Variants in CR1L observed in about 807,000 individuals in gnomAD.
CR1L encodes the protein complement C3b/C4b receptor 1 like, also known as complement component receptor 1-like protein.
A neutral mutation model predicts 62.3 loss-of-function variants in CR1L; 59 were observed. The ratio of observed to expected loss-of-function variants is 0.95; its 90% CI spans 0.77 to 1.18. The LOEUF is 1.18. Among genes scored for constraint, CR1L ranks in the 50% most tolerant of loss-of-function variants. The pLI, the probability that CR1L is intolerant of heterozygous loss-of-function variation, is 0.00. For synonymous variants in CR1L, 279 were observed against 248.7 expected (o/e 1.12, Z -1.15); for missense variants, 700 against 702.8 (o/e 1.00, Z 0.04).
chr1:207,657,448 A>C, intron 1 of CR1L: 1 of 547,366 alleles, frequency 1.8e-6, no homozygotes, highest in Non-Finnish European at 3.2e-6. Flanking sequence ...AATTTATTTT[A>C]ATACAGGTCA....
intron 4 of CR1L, 161 bp downstream of exon 4, chr1:207,684,118 C>T: frequency 1.8e-6 from 1 of 553,568 alleles, no homozygotes; most frequent in Non-Finnish European, 2.9e-6. Flanking sequence ...CCTGGCAACT[C>T]TTTCTTTAAG....
intron 9 of CR1L, among the ~76,000 whole-genome samples, chr1:207,704,259 G>C (rs1344502863): frequency 1.3e-5 from 2 of 152,188 alleles, no homozygotes; most frequent in South Asian, 2.1e-4. Flanking sequence ...ATTAGAAGCA[G>C]AGCCTAAAGG....
intron 1 of CR1L, among the ~76,000 whole-genome samples, chr1:207,674,010 G>T (rs1159839694): frequency 1.3e-5 from 2 of 152,176 alleles, no homozygotes; most frequent in Non-Finnish European, 2.9e-5. Flanking sequence ...TTGTATATGT[G>T]CAGCAACCTA....
At chr1:207,657,101 C>T in intron 1 of CR1L, 1 of 663,894 alleles carries the variant, frequency 1.5e-6, no homozygotes, top group Non-Finnish European at 2.7e-6. Context: ...ACATTTCTTT[C>T]CTCTTTTTCT....
At chr1:207,673,351 TA>T (rs1470899918) in intron 1 of CR1L, among the ~76,000 whole-genome samples, 1 of 152,260 alleles carries the variant, frequency 6.6e-6, no homozygotes, top group Admixed American at 6.5e-5. Flanking sequence ...TATTACTTTA[TA>T]TTTTTGAAAG....
chr1:207,702,870 G>A (rs1258100079), intron 9 of CR1L, among the ~76,000 whole-genome samples: 1 of 152,186 alleles, frequency 6.6e-6, no homozygotes, highest in African/African-American at 2.4e-5. Context: ...ATCACCTGAG[G>A]TCAGGTGTTC....
chr1:207,680,200 G>T (rs898382791), intron 3 of CR1L, among the ~76,000 whole-genome samples: 2 of 152,218 alleles, frequency 1.3e-5, no homozygotes, highest in African/African-American at 4.8e-5. Context: ...GGCTATCCAT[G>T]TATAGGGGCA....
chr1:207,683,106 C>G (rs549575301), intron 3 of CR1L, among the ~76,000 whole-genome samples: 1 of 149,282 alleles, frequency 6.7e-6, no homozygotes, highest in Non-Finnish European at 1.5e-5. Context: ...TTCTCTCTCT[C>G]TCTCCCTCTG....
chr1:207,713,304 A>T (rs540988154), intron 10 of CR1L, among the ~76,000 whole-genome samples: 1 of 152,384 alleles, frequency 6.6e-6, no homozygotes, highest in South Asian at 2.1e-4. Context: ...ATAATAAGGC[A>T]AAGGTTGTTT....
chr1:207,651,706 G>A (rs2102439313), intron 1 of CR1L, among the ~76,000 whole-genome samples: 1 of 152,148 alleles, frequency 6.6e-6, no homozygotes, highest in Non-Finnish European at 1.5e-5. Flanking sequence ...TAAAACCACA[G>A]CAATATAGTA....
At chr1:207,677,667 A>C in intron 2 of CR1L, 99 bp downstream of exon 2, 1 of 1,399,302 alleles carries the variant, frequency 7.1e-7, no homozygotes, top group African/African-American at 1.4e-5. Context: ...TACAACAATT[A>C]GTTTGCTAAG....
In CR1L at chr1:207,698,140, A is replaced by G. The variant is rs1333004305; in HGVS notation, c.1142+267A>G. On this transcript the variant is annotated intron_variant, in intron 7 of 11. Coordinates refer to ENST00000508064, the MANE Select transcript of CR1L (RefSeq NM_175710.2). The stretch of plus-strand genomic sequence containing the variant: ...AAGTATAATTACTTGTTATTAATAT[A>G]TAGGTAACACAGTAAGTTTAAAAAA... Among the ~76,000 whole-genome samples the G allele has an allele frequency of 3.9e-5, 6 of 152,062 alleles. No individual in the cohort carries two copies. The East Asian group carries it at 1.2e-3, about 29-fold the overall frequency.
At chr1:207,702,680 T>C (rs1319192220) in intron 9 of CR1L, among the ~76,000 whole-genome samples, 1 of 152,234 alleles carries the variant, frequency 6.6e-6, no homozygotes, top group Non-Finnish European at 1.5e-5. Flanking sequence ...GTGGTCTAGA[T>C]ACAAGATCAA....
intron 11 of CR1L, among the ~76,000 whole-genome samples, chr1:207,720,921 T>A (rs145107245): frequency 5.4e-4 from 83 of 152,314 alleles, no homozygotes; most frequent in African/African-American, 1.8e-3. Flanking sequence ...TTCTCTCAGT[T>A]CCACCCAGAC....
rs1663729620 is a variant in CR1L at position 207,678,124 on chromosome 1, G to GGCAA, written c.278-73_278-72insCAAG. On this transcript the variant is annotated intron_variant, in intron 2 of 11. Transcript: ENST00000508064. The stretch of plus-strand genomic sequence containing the variant: ...TGTGTTCCTCAGTAAGCTATAGGCA[G>GGCAA]GTTGAGACCTTATGTACTAAAAAAA... 3.0e-6 allele frequency: 4 copies of GGCAA among 1,316,764 alleles called. No homozygotes were observed. The African/African-American group carries it at 5.8e-5, about 19-fold the overall frequency. The allele number at this position is 1,316,764 out of a possible 1,614,324, so 81.6% of individuals were successfully genotyped here. A position where few individuals can be genotyped will look rare whatever the true frequency, so the allele number is the denominator to read the frequency against.
intron 3 of CR1L, among the ~76,000 whole-genome samples, chr1:207,681,572 C>G (rs1571516978): frequency 6.6e-6 from 1 of 152,182 alleles, no homozygotes; most frequent in East Asian, 1.9e-4. Flanking sequence ...TCCCTTTGAT[C>G]AGTGAACATA....
chr1:207,650,337 C>T (rs1312669043), intron 1 of CR1L, among the ~76,000 whole-genome samples: 1 of 152,136 alleles, frequency 6.6e-6, no homozygotes, highest in East Asian at 1.9e-4. Flanking sequence ...GTGGTTTGCT[C>T]TCCTAAAAGC....
rs553508634 is a variant in CR1L, at chr1:207,694,717, C to T, written c.828C>T (p.Asn276=). ...GPSHVKCQAL[N]KWEPELPSCS... ...CCCATGTGAAGTGCCAGGCCCTGAA[C>T]AAATGGGAGCCAGAGTTACCAAGCT... Residue 276 remains asparagine (N), a synonymous_variant, in exon 5 of 12, where the codon AAC becomes AAT. Transcript: ENST00000508064. 6.2e-7 allele frequency: 1 copy of T among 1,611,896 alleles called. No homozygotes were observed. The highest frequency in any genetic ancestry group is 8.5e-7 in the Non-Finnish European group (1 of 1,179,730).
At chr1:207,697,449 TGA>T in intron 5 of CR1L, 52 bp from the exon 6 acceptor site, 1 of 1,612,850 alleles carries the variant, frequency 6.2e-7, no homozygotes, top group Non-Finnish European at 8.5e-7. Flanking sequence ...AGTTTAACAG[TGA>T]GAGAAAAGTT....
Sources: allele counts gnomAD v4.1 joint callset (sites outside exome capture counted in the v4.1 genomes callset), GRCh38; gene constraint gnomAD v4.1.1; transcripts MANE v1.5; gene names NCBI Gene and HGNC (gene_info 2026-07-23, HGNC 2026-07-21).